The following SMPD2 variants were observed in gnomAD, a reference collection of about 807,000 sequenced individuals.
SMPD2 encodes the protein sphingomyelin phosphodiesterase 2, also known as N-SMase.
In SMPD2, 35 loss-of-function variants were observed where a neutral mutation model predicts 41.7. The observed-to-expected ratio is 0.84, with a 90% CI of 0.64 to 1.11. The LOEUF is 1.11. Among genes scored for constraint, SMPD2 ranks in the 50% most tolerant of loss-of-function variants. SMPD2 has a pLI of 0.00. For missense variants in SMPD2, 520 were observed against 524.8 expected, an observed-to-expected ratio of 0.99 and a Z score of 0.09; for synonymous variants, 201 against 208.2, an observed-to-expected ratio of 0.97 and a Z score of 0.30.
At position 109,442,839 on chromosome 6, in the gene SMPD2, G is replaced by GT; in HGVS notation, c.580dup (p.Trp194LeufsTer6). On this transcript the variant is annotated frameshift_variant, in exon 7 of 10. Transcript: ENST00000258052. LOFTEE classifies it high-confidence loss of function. ...ACCTGGGCTGCTGCCTGCTGAAGGA[G>GT]TGGACAGGGCTTCATGATGCCTATC... The GT allele has an allele frequency of 6.2e-7, 1 of 1,614,162 alleles. No homozygotes were observed.
chr6:109,441,458 G>C lies in SMPD2; in HGVS notation c.147+5G>C, dbSNP rs1313345441. On this transcript the variant is annotated splice_donor_5th_base_variant and intron_variant, in intron 2 of 9. Coordinates refer to ENST00000258052, the MANE Select transcript of SMPD2 (RefSeq NM_003080.3). The stretch of plus-strand genomic sequence containing the variant: ...GACCTGGCTTTGCTGGAGGAGGTGA[G>C]ATTGTGCAGCACGGTGCGGAACCCA... 1.2e-6 allele frequency: 2 copies of C among 1,613,768 alleles called. No homozygotes were observed. The highest frequency in any genetic ancestry group is 1.7e-5 in the Admixed American group (1 of 60,014).
Position 109,443,522 on chromosome 6 carries a change from G to A in SMPD2, c.889G>A (p.Ala297Thr). ...ACTGCCCTGCTCTGTTGTAGGACCA[G>A]CAGAGAGGTCGCCGTTGATGTGTGT... ...QQNPSSTHGP[A>T]ERSPLMCVLK... The change falls in exon 10 of 10, where the codon GCA becomes ACA. Residue 297 changes from alanine to threonine, a missense_variant. Ala to Thr is a moderately conservative substitution (Grantham distance 58). Coordinates refer to ENST00000258052, the MANE Select transcript of SMPD2 (RefSeq NM_003080.3). 6.2e-7 allele frequency: 1 copy of A among 1,610,018 alleles called. No homozygotes were observed. Among genetic ancestry groups the A allele is most frequent in the Non-Finnish European group, 8.5e-7 (1 of 1,177,290 alleles).
At position 109,440,872 on chromosome 6, in the gene SMPD2, G is replaced by A; in HGVS notation, c.-250G>A. 1 of 538,930 alleles carries A rather than the reference G, an allele frequency of 1.9e-6. No homozygotes were observed. The highest frequency in any genetic ancestry group is 3.2e-6 in the Non-Finnish European group (1 of 311,370). 33.4% of individuals were successfully genotyped at this position (538,930 alleles called of 1,614,324 possible). On this transcript the variant is annotated 5_prime_UTR_variant, in exon 1 of 10. Transcript: ENST00000258052. ...CTAGCGCGCGGCCCTTACCGAGCCT[G>A]GGCGCCCGGATTTCGGCAGCGGATC...
chr6:109,441,516 G>GA (rs1441782717), intron 2 of SMPD2, 36 bp from the exon 3 acceptor site: 1 of 1,613,534 alleles, frequency 6.2e-7, no homozygotes, highest in Non-Finnish European at 8.5e-7. Context: ...TCCCACTGGG[G>GA]AAAGACCAAG....
chr6:109,443,487 C>A, intron 9 of SMPD2, 30 bp from the exon 10 acceptor site: 1 of 1,608,652 alleles, frequency 6.2e-7, no homozygotes, highest in Non-Finnish European at 8.5e-7. Flanking sequence ...TCTTGACTCT[C>A]TCCTGCCCCA....
At chr6:109,442,460 CCAAGTGA>C in intron 5 of SMPD2, 76 bp from the exon 6 acceptor site, 3 of 1,409,752 alleles carry the variant, frequency 2.1e-6, no homozygotes, top group Non-Finnish European at 3.0e-6. Flanking sequence ...AAACACCATG[CCAAGTGA>C]CAGACACAGG....
intron 5 of SMPD2, 58 bp from the exon 6 acceptor site, chr6:109,442,485 C>T (rs1774961743): frequency 1.3e-6 from 2 of 1,498,884 alleles, no homozygotes; most frequent in African/African-American, 1.4e-5. Context: ...AGGCTTGATT[C>T]AGACATACCC....
chr6:109,443,638 G>T lies in SMPD2; in HGVS notation c.1005G>T (p.Leu335=). 1 of 1,613,878 alleles carries T rather than the reference G, an allele frequency of 6.2e-7. No homozygotes were observed. The highest frequency in any genetic ancestry group is 2.2e-5 in the East Asian group (1 of 44,884). ...TFASYVIGLG[L]LLLALLCVLA... ...CTAGCTATGTGATTGGCCTGGGGCT[G>T]CTTCTCCTGGCACTGCTGTGTGTCC... The change falls in exon 10 of 10, where the codon CTG becomes CTT. Residue 335 remains leucine, a synonymous_variant. Coordinates refer to ENST00000258052, the MANE Select transcript of SMPD2 (RefSeq NM_003080.3).
chr6:109,443,531 TCGC>T lies in SMPD2; in HGVS notation c.901_903del (p.Pro301del), dbSNP rs1320642362. 1.2e-6 allele frequency: 2 copies of T among 1,609,896 alleles called. No homozygotes were observed. The highest frequency in any genetic ancestry group is 2.7e-5 in the African/African-American group (2 of 74,756). ...CTCTGTTGTAGGACCAGCAGAGAGG[TCGC>T]CGTTGATGTGTGTGCTAAAGGAGGC... is the stretch of plus-strand genomic sequence containing the variant. On this transcript the variant is annotated inframe_deletion, in exon 10 of 10. Transcript: ENST00000258052.
At position 109,441,382 on chromosome 6, in the gene SMPD2, C is replaced by T. The variant is rs554984087; in HGVS notation, c.76C>T (p.Arg26Trp). ...GGGCATTCCGTACTTGAGCAAGCACCGGGCCGACCGCATGAGGCGCCTGGG... is the reference window on the plus strand; with the variant it reads ...GGGCATTCCGTACTTGAGCAAGCACTGGGCCGACCGCATGAGGCGCCTGGG... ...CWGIPYLSKHRADRMRRLGDF... is the reference protein window; with the variant it reads ...CWGIPYLSKHWADRMRRLGDF... Residue 26 changes from arginine (R) to tryptophan (W), a missense_variant, in exon 2 of 10, where the codon CGG becomes TGG. Coordinates refer to ENST00000258052, the MANE Select transcript of SMPD2 (RefSeq NM_003080.3). 9 of 1,614,064 alleles carry T rather than the reference C, an allele frequency of 5.6e-6. No homozygotes were observed. Among genetic ancestry groups the T allele is most frequent in the African/African-American group, 1.3e-5 (1 of 75,048 alleles).
rs772043059 is a variant in SMPD2 at position 109,442,198 on chromosome 6, T to G, written c.319-12T>G. 6.2e-7 allele frequency: 1 copy of G among 1,613,910 alleles called. No homozygotes were observed. The highest frequency in any genetic ancestry group is 1.7e-5 in the Admixed American group (1 of 60,024). ...GGCGGTGCCCTGAGTTTCTATCTCCTCCTGCCTGCAGATCCATCATGGTGA... is the reference window on the plus strand; with the variant it reads ...GGCGGTGCCCTGAGTTTCTATCTCCGCCTGCCTGCAGATCCATCATGGTGA... On this transcript the variant is annotated splice_polypyrimidine_tract_variant and intron_variant, in intron 4 of 9. Transcript: ENST00000258052.
Position 109,441,457 on chromosome 6 carries a change from A to T in SMPD2, c.147+4A>T. 1 of 1,613,806 alleles carries T rather than the reference A, an allele frequency of 6.2e-7. No homozygotes were observed. Among genetic ancestry groups the T allele is most frequent in the Non-Finnish European group, 8.5e-7 (1 of 1,179,718 alleles). ...CGACCTGGCTTTGCTGGAGGAGGTGAGATTGTGCAGCACGGTGCGGAACCC... is the reference window on the plus strand; with the variant it reads ...CGACCTGGCTTTGCTGGAGGAGGTGTGATTGTGCAGCACGGTGCGGAACCC... On this transcript the variant is annotated splice_donor_region_variant and intron_variant, in intron 2 of 9. Coordinates refer to ENST00000258052, the MANE Select transcript of SMPD2 (RefSeq NM_003080.3).
Position 109,442,554 on chromosome 6 carries a change from A to G in SMPD2, c.420A>G (p.Glu140=). Residue 140 remains glutamate (E), a synonymous_variant, in exon 6 of 10, where the codon GAA becomes GAG. Coordinates refer to ENST00000258052, the MANE Select transcript of SMPD2 (RefSeq NM_003080.3). ...LNAYVTHLHA[E]YNRQKDIYLA... ...TCTATCTTGCTCAGCTCCATGCCGA[A>G]TACAATCGACAGAAGGACATCTACC... 6.2e-7 allele frequency: 1 copy of G among 1,613,162 alleles called. No individual in the cohort carries two copies. Among genetic ancestry groups the G allele is most frequent in the African/African-American group, 1.3e-5 (1 of 75,048 alleles).
At chr6:109,442,332 C>A in intron 5 of SMPD2, 33 bp downstream of exon 5, 1 of 1,572,576 alleles carries the variant, frequency 6.4e-7, no homozygotes, top group Non-Finnish European at 8.8e-7. Context: ...AGGGCTGGGA[C>A]ATGCAGCCCA....
In SMPD2 at chr6:109,443,557, G is replaced by C. The variant is rs1485418645; in HGVS notation, c.924G>C (p.Glu308Asp). The C allele has an allele frequency of 6.2e-7, 1 of 1,613,786 alleles. No homozygotes were observed. Among genetic ancestry groups the C allele is most frequent in the Non-Finnish European group, 8.5e-7 (1 of 1,179,906 alleles). ...ERSPLMCVLK[E>D]AWTELGLGMA... Reference sequence around the variant, plus strand: ...CGCCGTTGATGTGTGTGCTAAAGGAGGCCTGGACGGAGCTGGGTCTGGGCA... The same window carrying C: ...CGCCGTTGATGTGTGTGCTAAAGGACGCCTGGACGGAGCTGGGTCTGGGCA... The change falls in exon 10 of 10, where the codon GAG becomes GAC. Residue 308 changes from glutamate (E) to aspartate (D), a missense_variant. Physicochemically the swap from Glu to Asp is conservative, Grantham distance 45. Coordinates refer to ENST00000258052, the MANE Select transcript of SMPD2 (RefSeq NM_003080.3).
At position 109,443,420 on chromosome 6, in the gene SMPD2, G is replaced by C; in HGVS notation, c.883G>C (p.Gly295Arg). ...PPQQNPSSTHGPAERSPLMCV... is the reference protein window; with the variant it reads ...PPQQNPSSTHRPAERSPLMCV... ...ACAGCAGAACCCCAGCTCTACCCAC[G>C]GTGAGTCACCCCCACCCTTTCCTTG... is the stretch of plus-strand genomic sequence containing the variant. Residue 295 changes from glycine to arginine, a missense_variant and splice_region_variant, in exon 9 of 10, where the codon GGA (glycine) becomes CGA (arginine). Physicochemically the swap from Gly to Arg is moderately radical, Grantham distance 125. Transcript: ENST00000258052. 6.2e-7 allele frequency: 1 copy of C among 1,613,666 alleles called. No individual in the cohort carries two copies. Among genetic ancestry groups the C allele is most frequent in the Non-Finnish European group, 8.5e-7 (1 of 1,179,754 alleles).
rs878980151 is a variant in SMPD2 at position 109,443,232 on chromosome 6, T to C, written c.730-35T>C. The stretch of plus-strand genomic sequence containing the variant: ...CTGGTTCTCTGGGAAGAGGCCCTCA[T>C]ATATAAGCTTCTCTCTGGCCCTTAC... On this transcript the variant is annotated intron_variant, in intron 8 of 9. Transcript: ENST00000258052. The C allele has an allele frequency of 6.8e-6, 11 of 1,611,736 alleles. No individual in the cohort carries two copies. In the South Asian group the frequency reaches 1.1e-4, roughly 16 times the overall value.
Position 109,442,282 on chromosome 6 carries a change from A to G in SMPD2, c.391A>G (p.Asn131Asp). Residue 131 changes from asparagine (N) to aspartate (D), a missense_variant, in exon 5 of 10, where the codon AAC (asparagine) becomes GAC (aspartate). Physicochemically the swap from Asn to Asp is conservative, Grantham distance 23. Coordinates refer to ENST00000258052, the MANE Select transcript of SMPD2 (RefSeq NM_003080.3). ...LVLHLSGMVL[N>D]AYVTHLHAEY... ...GCTCCATCTAAGTGGCATGGTGCTC[A>G]ACGCCTATGTGACCCATGTGAGTGA... 1 of 1,614,146 alleles carries G rather than the reference A, an allele frequency of 6.2e-7. No homozygotes were observed. The highest frequency in any genetic ancestry group is 2.2e-5 in the East Asian group (1 of 44,878).
Position 109,443,829 on chromosome 6 carries a change from C to T in SMPD2, c.1196C>T (p.Ala399Val), listed in dbSNP as rs1270972829. 1 of 1,613,940 alleles carries T rather than the reference C, an allele frequency of 6.2e-7. No homozygotes were observed. Among genetic ancestry groups the T allele is most frequent in the East Asian group, 2.2e-5 (1 of 44,880 alleles). Reference protein sequence around the residue: ...LQHVLGRAREAQDLGPEPQPA... With the variant: ...LQHVLGRAREVQDLGPEPQPA... ...CATGTGCTAGGAAGGGCAAGGGAGG[C>T]CCAGGATCTGGGCCCAGAGCCTCAG... The change falls in exon 10 of 10, where the codon GCC (alanine) becomes GTC (valine). Residue 399 changes from alanine to valine, a missense_variant. Coordinates refer to ENST00000258052, the MANE Select transcript of SMPD2 (RefSeq NM_003080.3).
Sources: gnomAD v4.1 joint callset for allele counts on GRCh38, gnomAD v4.1.1 for gene constraint, MANE v1.5 for transcripts, NCBI Gene and HGNC (gene_info 2026-07-23, HGNC 2026-07-21) for gene names.